GPR17: variants seen among roughly 807,000 people sequenced by gnomAD.
GPR17 encodes the protein uracil nucleotide/cysteinyl leukotriene receptor.
A neutral mutation model predicts 1.5 loss-of-function variants in GPR17; 4 were observed. The observed-to-expected ratio is 2.73, with a 90% confidence interval of 1.35 to 6.25. The LOEUF (loss-of-function observed/expected upper bound fraction) is 6.25, where lower values mean the gene tolerates loss of function less well. Among genes scored for constraint, GPR17 ranks in the 30% most tolerant of loss-of-function variants. The pLI is 0.00. For missense variants in GPR17, 463 were observed against 462.1 expected, an observed-to-expected ratio of 1.00 and a Z score of -0.02; for synonymous variants, 209 against 207.6, an observed-to-expected ratio of 1.01 and a Z score of -0.06.
In GPR17 at chr2:127,650,759, C is replaced by T. The variant is rs1558880930; in HGVS notation, c.24C>T (p.Pro8=). Residue 8 remains proline (P), a synonymous_variant, in exon 2 of 2, where the codon CCC becomes CCT. Transcript: ENST00000486700. The part of the protein sequence containing the change: MNGLEVA[P]PGLITNFSLA... ...GCATGAATGGCCTTGAAGTGGCTCC[C>T]CCAGGTCTGATCACCAACTTCTCCC... is the stretch of plus-strand genomic sequence containing the variant. The T allele has an allele frequency of 6.2e-7, 1 of 1,613,716 alleles. No homozygotes were observed. The highest frequency in any genetic ancestry group is 1.3e-5 in the African/African-American group (1 of 75,028).
At chr2:127,649,929 T>C (rs1683539990) in intron 1 of GPR17, 2 of 1,169,328 alleles carry the variant, frequency 1.7e-6, no homozygotes, top group Non-Finnish European at 2.5e-6. Flanking sequence ...GTGGTGGATC[T>C]ACTCTGGGAG....
At position 127,651,908 on chromosome 2, in the gene GPR17, T is replaced by G. The variant is rs1253204733; in HGVS notation, c.*153T>G. 32 of 718,222 alleles carry G rather than the reference T, an allele frequency of 4.5e-5. No homozygotes were observed. Among genetic ancestry groups the G allele is most frequent in the Non-Finnish European group, 6.3e-5 (27 of 431,208 alleles). 44.5% of individuals were successfully genotyped at this position (718,222 alleles called of 1,614,324 possible). A position where few individuals can be genotyped will look rare whatever the true frequency, so the allele number is the denominator to read the frequency against. ...CTCTAGATCGCCTAGTCTCAACCCA[T>G]AAAAAGGAAGAACTGACAAAGGGGA... On this transcript the variant is annotated 3_prime_UTR_variant, in exon 2 of 2. Coordinates refer to ENST00000486700, the MANE Select transcript of GPR17 (RefSeq NM_001161417.2).
intron 1 of GPR17, among the ~76,000 whole-genome samples, chr2:127,646,830 T>G (rs1156845583): frequency 6.6e-6 from 1 of 152,216 alleles, no homozygotes; most frequent in East Asian, 1.9e-4. Context: ...GACTGAAGTT[T>G]GTGTTTCTAA....
chr2:127,648,096 A>G, intron 1 of GPR17: 1 of 985,538 alleles, frequency 1.0e-6, no homozygotes, highest in East Asian at 1.1e-4. Context: ...TCCTAGGGAA[A>G]GTGCCAGCCG....
chr2:127,650,786 G>C lies in GPR17; in HGVS notation c.51G>C (p.Leu17=). The change falls in exon 2 of 2, where the codon CTG becomes CTC. Residue 17 remains leucine (L), a synonymous_variant. Coordinates refer to ENST00000486700, the MANE Select transcript of GPR17 (RefSeq NM_001161417.2). ...CAGGTCTGATCACCAACTTCTCCCT[G>C]GCCACGGCAGAGCAATGTGGCCAGG... ...APPGLITNFS[L]ATAEQCGQET... 3 of 1,613,766 alleles carry C rather than the reference G, an allele frequency of 1.9e-6. No homozygotes were observed. The highest frequency in any genetic ancestry group is 1.7e-5 in the Admixed American group (1 of 60,026).
rs148872149 is a variant in GPR17 at position 127,651,611 on chromosome 2, C to T, written c.876C>T (p.Leu292=). ...GCCTCACCAGCCTCAACGGGGCACT[C>T]GACCCCATCATGTATTTCTTCGTGG... ...TSCLTSLNGA[L]DPIMYFFVAE... Residue 292 remains leucine, a synonymous_variant, in exon 2 of 2, where the codon CTC becomes CTT. Coordinates refer to ENST00000486700, the MANE Select transcript of GPR17 (RefSeq NM_001161417.2). The T allele has an allele frequency of 2.5e-5, 40 of 1,613,530 alleles. No homozygotes were observed. The highest frequency in any genetic ancestry group is 3.1e-5 in the Non-Finnish European group (37 of 1,180,036).
chr2:127,650,903 CATCCGAGACCACAA>C lies in GPR17; in HGVS notation c.169_182del (p.Ile57ValfsTer241). 1 of 1,614,108 alleles carries C rather than the reference CATCCGAGACCACAA, an allele frequency of 6.2e-7. No individual in the cohort carries two copies. ...GCAATACCCTGGCTCTGTGGCTTTTCATCCGAGACCACAAGTCCGGGACCCCGGCCAACGTGTTC... is the reference window on the plus strand; with the variant it reads ...GCAATACCCTGGCTCTGTGGCTTTTCGTCCGGGACCCCGGCCAACGTGTTC... On this transcript the variant is annotated frameshift_variant, in exon 2 of 2. Coordinates refer to ENST00000486700, the MANE Select transcript of GPR17 (RefSeq NM_001161417.2). LOFTEE classifies it low-confidence loss of function (END_TRUNC).
chr2:127,650,674 A>G (rs1683654808), intron 1 of GPR17, 42 bp from the exon 2 acceptor site: 5 of 1,374,742 alleles, frequency 3.6e-6, no homozygotes, highest in Non-Finnish European at 4.0e-6. Flanking sequence ...GAAGCTGCCT[A>G]GATCGCAAGC....
chr2:127,648,894 G>C lies in GPR17; in HGVS notation c.-20-1822G>C, dbSNP rs1247196955. On this transcript the variant is annotated intron_variant, in intron 1 of 1. Coordinates refer to ENST00000486700, the MANE Select transcript of GPR17 (RefSeq NM_001161417.2). ...TGATTGCACCACTGCACTCCAGCCT[G>C]GGTGACAGAGGGAGACCTTGAAAAA... Among the ~76,000 whole-genome samples the C allele has an allele frequency of 2.0e-5, 3 of 146,506 alleles. No individual in the cohort carries two copies. In the East Asian group the frequency reaches 6.3e-4, roughly 31 times the overall value.
In GPR17 at chr2:127,652,029, GAAC is replaced by G. The variant is rs1446340772; in HGVS notation, c.*278_*280del. 5.8e-6 allele frequency: 3 copies of G among 513,810 alleles called. No individual in the cohort carries two copies. In the Admixed American group the frequency reaches 1.0e-4, roughly 18 times the overall value. 31.8% of individuals were successfully genotyped at this position (513,810 alleles called of 1,614,324 possible). On this transcript the variant is annotated 3_prime_UTR_variant, in exon 2 of 2. Coordinates refer to ENST00000486700, the MANE Select transcript of GPR17 (RefSeq NM_001161417.2). ...GTGGCAGGGAGAGAGGAGGCCGGAA[GAAC>G]AACCCCTGAACAATGGAGGCCTTTC...
chr2:127,650,038 A>G (rs1683563921), intron 1 of GPR17: 8 of 1,609,060 alleles, frequency 5.0e-6, no homozygotes, highest in Non-Finnish European at 5.9e-6. Flanking sequence ...GGTGGGCTGG[A>G]TCCAGAAAGC....
rs142215663 is a variant in GPR17, at chr2:127,647,018, C to T, written c.-21+774C>T. On this transcript the variant is annotated intron_variant, in intron 1 of 1. Transcript: ENST00000486700. This position sits in a 1 kb window ranked among gnomAD's most constrained non-coding sequence, Gnocchi z 4.3. The stretch of plus-strand genomic sequence containing the variant: ...AGAGCGAGGGGCACGCCCTTCGGCC[C>T]GGGCAGGAAGTGGAGGGCAGTGCCC... Among the ~76,000 whole-genome samples, 2 of 152,258 alleles carry T rather than the reference C, an allele frequency of 1.3e-5. No individual in the cohort carries two copies. The highest frequency in any genetic ancestry group is 1.9e-4 in the East Asian group (1 of 5,168).
chr2:127,647,254 G>T lies in GPR17; in HGVS notation c.-21+1010G>T, dbSNP rs1256515648. On this transcript the variant is annotated intron_variant, in intron 1 of 1. Coordinates refer to ENST00000486700, the MANE Select transcript of GPR17 (RefSeq NM_001161417.2). The surrounding 1 kb of genome is among the most constrained non-coding windows in gnomAD (Gnocchi z 4.3). ...GGAGTGGCCCCAGGGCCAGGAGGGG[G>T]TGCTGAGCCTGGGAGACAACTCCAT... 6.6e-6 allele frequency among the ~76,000 whole-genome samples: 1 copy of T among 152,146 alleles called. No homozygotes were observed. Among genetic ancestry groups the T allele is most frequent in the East Asian group, 1.9e-4 (1 of 5,178 alleles).
intron 1 of GPR17, among the ~76,000 whole-genome samples, chr2:127,649,550 T>C (rs1683482385): frequency 6.6e-6 from 1 of 152,242 alleles, no homozygotes; most frequent in Non-Finnish European, 1.5e-5. Flanking sequence ...CCTGCCCTGG[T>C]TCCGGGCTGC....
At chr2:127,649,157 G>GAGGAAGGA (rs1469679192) in intron 1 of GPR17, among the ~76,000 whole-genome samples, 2 of 73,862 alleles carry the variant, frequency 2.7e-5, no homozygotes, top group East Asian at 2.8e-4. Context: ...GTGAGAGAGA[G>GAGGAAGGA]AGGAAGGTAG....
At chr2:127,648,613 G>C (rs1313002908) in intron 1 of GPR17, among the ~76,000 whole-genome samples, 2 of 152,120 alleles carry the variant, frequency 1.3e-5, no homozygotes, top group Non-Finnish European at 2.9e-5. Flanking sequence ...ATCAGTAAGA[G>C]GAGAGGGGCT....
chr2:127,650,916 A>T lies in GPR17; in HGVS notation c.181A>T (p.Lys61Ter). 1 of 1,614,022 alleles carries T rather than the reference A, an allele frequency of 6.2e-7. No homozygotes were observed. Among genetic ancestry groups the T allele is most frequent in the Non-Finnish European group, 8.5e-7 (1 of 1,180,034 alleles). Reference protein sequence around the residue: ...LALWLFIRDHKSGTPANVFLM... With the variant: ...LALWLFIRDH ...TCTGTGGCTTTTCATCCGAGACCAC[A>T]AGTCCGGGACCCCGGCCAACGTGTT... The change falls in exon 2 of 2, where the codon AAG becomes TAG. Residue 61 changes from lysine to a stop codon, truncating the protein, a stop_gained. Coordinates refer to ENST00000486700, the MANE Select transcript of GPR17 (RefSeq NM_001161417.2). LOFTEE classifies it low-confidence loss of function (END_TRUNC).
chr2:127,651,806 C>A lies in GPR17; in HGVS notation c.*51C>A. 6.5e-7 allele frequency: 1 copy of A among 1,537,890 alleles called. No individual in the cohort carries two copies. Among genetic ancestry groups the A allele is most frequent in the Non-Finnish European group, 8.9e-7 (1 of 1,127,818 alleles). ...GCAGACTGTTTAGGACTCAGCAGAC[C>A]CAGCAAGAGGCATCTGCCCTTTCCC... On this transcript the variant is annotated 3_prime_UTR_variant, in exon 2 of 2. Coordinates refer to ENST00000486700, the MANE Select transcript of GPR17 (RefSeq NM_001161417.2).
Position 127,651,886 on chromosome 2 carries a change from T to G in GPR17, c.*131T>G. The G allele has an allele frequency of 1.2e-6, 1 of 810,606 alleles. No homozygotes were observed. Among genetic ancestry groups the G allele is most frequent in the Non-Finnish European group, 2.0e-6 (1 of 508,780 alleles). 50.2% of individuals were successfully genotyped at this position (810,606 alleles called of 1,614,324 possible). A position where few individuals can be genotyped will look rare whatever the true frequency, so the allele number is the denominator to read the frequency against. On this transcript the variant is annotated 3_prime_UTR_variant, in exon 2 of 2. Coordinates refer to ENST00000486700, the MANE Select transcript of GPR17 (RefSeq NM_001161417.2). ...TCTCAGCAGATGCCCACCATTTCTC[T>G]AGATCGCCTAGTCTCAACCCATAAA...
Sources: gnomAD v4.1 joint callset for allele counts (sites outside exome capture counted in the v4.1 genomes callset) on GRCh38, gnomAD v4.1.1 for gene constraint, Gnocchi (gnomAD v3.1) non-coding constraint, MANE v1.5 for transcripts, NCBI Gene and HGNC (gene_info 2026-07-23, HGNC 2026-07-21) for gene names.